Variants in PPP2R5C observed in about 807,000 individuals in gnomAD.
PPP2R5C encodes serine/threonine-protein phosphatase 2A 56 kDa regulatory subunit gamma isoform.
In PPP2R5C, 7 loss-of-function variants were observed where a neutral mutation model predicts 68.9. The observed-to-expected ratio is 0.10, with a 90% CI of 0.06 to 0.19. The LOEUF (loss-of-function observed/expected upper bound fraction) is 0.19, where lower values mean the gene tolerates loss of function less well. PPP2R5C is among the 10% of genes least tolerant of loss of function. The pLI is 1.00. For missense variants in PPP2R5C, 348 were observed against 641.3 expected (o/e 0.54, Z 4.94); for synonymous variants, 210 against 222.2 (o/e 0.95, Z 0.49).
intron 5 of PPP2R5C, among the ~76,000 whole-genome samples, chr14:101,884,867 C>T (rs1016932149): frequency 3.9e-5 from 6 of 152,242 alleles, no homozygotes; most frequent in Admixed American, 2.0e-4. Flanking sequence ...ACGCCCCACC[C>T]CACTGCCAGT....
intron 1 of PPP2R5C, among the ~76,000 whole-genome samples, chr14:101,815,237 A>C (rs563773808): frequency 6.6e-6 from 1 of 152,312 alleles, no homozygotes; most frequent in Admixed American, 6.5e-5. Context: ...AGCCTCAGTC[A>C]GTCTGATAGC....
intron 3 of PPP2R5C, among the ~76,000 whole-genome samples, chr14:101,802,666 C>A (rs1371298916): frequency 1.3e-5 from 2 of 151,740 alleles, no homozygotes; most frequent in Non-Finnish European, 2.9e-5. Context: ...CATTAAAGGG[C>A]CCAGTCAACA....
At chr14:101,763,805 C>T (rs925343884) in intron 2 of PPP2R5C, among the ~76,000 whole-genome samples, 1 of 152,216 alleles carries the variant, frequency 6.6e-6, no homozygotes, top group Admixed American at 6.5e-5. Context: ...CTCCCCACCG[C>T]CACTTCCATT....
intron 11 of PPP2R5C, among the ~76,000 whole-genome samples, chr14:101,910,994 C>T (rs1195055574): frequency 6.6e-6 from 1 of 152,050 alleles, no homozygotes; most frequent in East Asian, 1.9e-4. Flanking sequence ...GTCCCAGCTA[C>T]TCAGAGTCTG....
At chr14:101,921,950 C>T in intron 13 of PPP2R5C, 1 of 949,230 alleles carries the variant, frequency 1.1e-6, no homozygotes, top group Non-Finnish European at 1.3e-6. Context: ...ATATTATAGA[C>T]ATTTTAAATG....
At chr14:101,760,747 AG>A, upstream of PPP2R5C, 2 of 138,984 alleles carry the variant, frequency 1.4e-5, no homozygotes, top group Non-Finnish European at 1.7e-5. Flanking sequence ...GGGCTGGTCG[AG>A]GGGAGGGGCT....
intron 3 of PPP2R5C, among the ~76,000 whole-genome samples, chr14:101,794,516 C>A (rs189931412): frequency 2.6e-5 from 4 of 152,112 alleles, no homozygotes; most frequent in African/African-American, 9.7e-5. Flanking sequence ...ATTACAGGCA[C>A]GCACCACCAT....
At chr14:101,796,899 T>C (rs1204895868) in intron 3 of PPP2R5C, 4 of 248,276 alleles carry the variant, frequency 1.6e-5, no homozygotes, top group Non-Finnish European at 3.2e-5. Flanking sequence ...CGTCCTTATC[T>C]AAAAAAAAAA....
At chr14:101,865,568 G>A (rs1007493341) in intron 2 of PPP2R5C, among the ~76,000 whole-genome samples, 7 of 152,216 alleles carry the variant, frequency 4.6e-5, no homozygotes, top group African/African-American at 1.4e-4. Context: ...GCTTCTCTGG[G>A]CAGATGAAAC....
At chr14:101,848,446 G>C (rs112333124) in intron 1 of PPP2R5C, among the ~76,000 whole-genome samples, 1 of 151,990 alleles carries the variant, frequency 6.6e-6, no homozygotes, top group East Asian at 1.9e-4. Context: ...CAGGAGAATC[G>C]CTTGAACCCA....
chr14:101,841,523 T>A (rs1371836869), intron 1 of PPP2R5C, among the ~76,000 whole-genome samples: 2 of 152,206 alleles, frequency 1.3e-5, no homozygotes, highest in African/African-American at 4.8e-5. Context: ...GCTCGTTCCG[T>A]GTCCAGACAG....
In PPP2R5C at chr14:101,877,872, C is replaced by T. The variant is rs1286614565; in HGVS notation, c.295-4289C>T. Among the ~76,000 whole-genome samples the T allele has an allele frequency of 1.3e-5, 2 of 152,156 alleles. No individual in the cohort carries two copies. The highest frequency in any genetic ancestry group is 4.8e-5 in the African/African-American group (2 of 41,426). On this transcript the variant is annotated intron_variant, in intron 2 of 13. Transcript: ENST00000334743. This position sits in a 1 kb window ranked among gnomAD's most constrained non-coding sequence, Gnocchi z 4.2. Reference sequence around the variant, plus strand: ...ATGACTTTCAATCAATCAGAATTGGCCTGGAATGAACCTTCCCGGACCTAG... The same window carrying T: ...ATGACTTTCAATCAATCAGAATTGGTCTGGAATGAACCTTCCCGGACCTAG...
intron 13 of PPP2R5C, among the ~76,000 whole-genome samples, chr14:101,919,046 G>A (rs56223232): frequency 0.13 from 20,054 of 152,208 alleles, 2,813 homozygotes; most frequent in African/African-American, 0.35. Context: ...TATGTTGTTT[G>A]AATGAATGCC....
At position 101,915,807 on chromosome 14, in the gene PPP2R5C, T is replaced by C. The variant is rs1256212650; in HGVS notation, c.1327-2024T>C. ...GATGAATTCAGCTCAGATGATCAGATTGTATTAATAACATACCTGGGGGAG... is the reference window on the plus strand; with the variant it reads ...GATGAATTCAGCTCAGATGATCAGACTGTATTAATAACATACCTGGGGGAG... On this transcript the variant is annotated intron_variant, in intron 12 of 13. Coordinates refer to ENST00000334743, the Ensembl canonical transcript of PPP2R5C. The surrounding 1 kb of genome is among the most constrained non-coding windows in gnomAD (Gnocchi z 4.2). Among the ~76,000 whole-genome samples the C allele has an allele frequency of 1.3e-5, 2 of 152,228 alleles. No homozygotes were observed. The highest frequency in any genetic ancestry group is 6.5e-5 in the Admixed American group (1 of 15,280).
chr14:101,921,663 T>G (rs1480494125), intron 13 of PPP2R5C, among the ~76,000 whole-genome samples: 2 of 152,236 alleles, frequency 1.3e-5, no homozygotes, highest in African/African-American at 4.8e-5. Context: ...AGTGCCCTTT[T>G]AATTTTATTT....
At chr14:101,841,435 A>G (rs956986957) in intron 1 of PPP2R5C, among the ~76,000 whole-genome samples, 4 of 152,226 alleles carry the variant, frequency 2.6e-5, no homozygotes, top group African/African-American at 9.6e-5. Flanking sequence ...TCTAGAGGAC[A>G]GCCTGTGGAG....
In PPP2R5C at chr14:101,797,320, G is replaced by A. The variant is rs2038660886; in HGVS notation, c.259+11137G>A. On this transcript the variant is annotated intron_variant, in intron 3 of 14. Transcript: ENST00000328724. This position sits in a 1 kb window ranked among gnomAD's most constrained non-coding sequence, Gnocchi z 4.2. ...TCCGCGTATCCCCCAATCAGTGGAT[G>A]GACGCGTGGGTTGCAGAGCACGCCA... The A allele has an allele frequency of 1.8e-5, 8 of 455,928 alleles. No individual in the cohort carries two copies. The highest frequency in any genetic ancestry group is 3.5e-5 in the Non-Finnish European group (8 of 226,774). The allele number at this position is 455,928 out of a possible 1,614,324, so 28.2% of individuals were successfully genotyped here.
chr14:101,860,359 G>A (rs189989886), intron 2 of PPP2R5C, among the ~76,000 whole-genome samples: 7 of 152,196 alleles, frequency 4.6e-5, no homozygotes, highest in East Asian at 1.9e-4. Flanking sequence ...GTTCATCCAC[G>A]TGCCAGTACC....
chr14:101,824,797 G>A (rs995315408), intron 1 of PPP2R5C: 1 of 152,628 alleles, frequency 6.6e-6, no homozygotes, highest in African/African-American at 2.4e-5. Context: ...GCTTCAGGAG[G>A]AGGGAGCAGG....
Sources: gnomAD v4.1 joint callset for allele counts (sites outside exome capture counted in the v4.1 genomes callset) on GRCh38, gnomAD v4.1.1 for gene constraint, Gnocchi (gnomAD v3.1) non-coding constraint, MANE v1.5 for transcripts, NCBI Gene and HGNC (gene_info 2026-07-23, HGNC 2026-07-21) for gene names.